DGKH: variants seen among roughly 807,000 people sequenced by gnomAD.
DGKH encodes the protein diacylglycerol kinase eta, also known as DAG kinase eta.
DGKH carries 90 observed loss-of-function variants against 159.3 expected under a neutral mutation model. That is an observed-to-expected ratio of 0.57 (90% confidence interval 0.48 to 0.67). DGKH has a LOEUF of 0.67. DGKH is among the 30% of genes least tolerant of loss of function. DGKH has a pLI of 0.00. For missense variants in DGKH, 1,181 were observed against 1,506.1 expected, an observed-to-expected ratio of 0.78 and a Z score of 3.57; for synonymous variants, 536 against 553.8, an observed-to-expected ratio of 0.97 and a Z score of 0.45.
intron 29 of DGKH, among the ~76,000 whole-genome samples, chr13:42,223,187 C>A (rs1958029253): frequency 6.6e-6 from 1 of 152,206 alleles, no homozygotes; most frequent in Admixed American, 6.5e-5. Context: ...AGAAGAGCTC[C>A]CATTGTTCTC....
At chr13:42,097,680 A>T (rs969936568) in intron 1 of DGKH, among the ~76,000 whole-genome samples, 24 of 152,208 alleles carry the variant, frequency 1.6e-4, no homozygotes, top group African/African-American at 5.1e-4. Flanking sequence ...TGGGTCTTCT[A>T]TTCCAGACAT....
At chr13:42,103,530 T>A (rs963342604) in intron 1 of DGKH, among the ~76,000 whole-genome samples, 3 of 152,174 alleles carry the variant, frequency 2.0e-5, no homozygotes, top group Non-Finnish European at 4.4e-5. Context: ...ATGAGTGCTA[T>A]CCTTAGCAAA....
intron 1 of DGKH, among the ~76,000 whole-genome samples, chr13:42,119,134 C>A (rs931377725): frequency 6.6e-6 from 1 of 152,164 alleles, no homozygotes; most frequent in Non-Finnish European, 1.5e-5. Context: ...CCAGATGCTA[C>A]GGTGATGCAG....
chr13:42,141,406 G>A (rs1955556670), intron 3 of DGKH, among the ~76,000 whole-genome samples: 1 of 152,134 alleles, frequency 6.6e-6, no homozygotes, highest in African/African-American at 2.4e-5. Flanking sequence ...AGTCCTTTGG[G>A]TATATACCCA....
At chr13:42,212,871 C>T (rs949291931) in intron 24 of DGKH, among the ~76,000 whole-genome samples, 3 of 152,132 alleles carry the variant, frequency 2.0e-5, no homozygotes, top group African/African-American at 4.8e-5. Context: ...AGGAGGGCTG[C>T]CTGGAAGAAG....
intron 7 of DGKH, among the ~76,000 whole-genome samples, chr13:42,161,308 C>T (rs564061550): frequency 6.6e-6 from 1 of 152,174 alleles, no homozygotes; most frequent in Non-Finnish European, 1.5e-5. Flanking sequence ...TTACTAAAGT[C>T]GATTTCTCTA....
chr13:42,049,220 CGGT>C (rs1881068374), intron 1 of DGKH, among the ~76,000 whole-genome samples: 2 of 150,252 alleles, frequency 1.3e-5, no homozygotes, highest in Admixed American at 6.6e-5. Context: ...CGCTGGACCG[CGGT>C]GCTGCGGGAC....
Position 42,219,812 on chromosome 13 carries a change from A to G in DGKH, c.3442+18A>G, listed in dbSNP as rs774921032. The G allele has an allele frequency of 1.9e-6, 3 of 1,600,416 alleles. No individual in the cohort carries two copies. The South Asian group carries it at 3.3e-5, about 18-fold the overall frequency. On this transcript the variant is annotated intron_variant, in intron 28 of 29. Transcript: ENST00000337343. ...ACAGCCTGGTAGGTGGTCCATATGGAAGGGGAAATATAACATTATGAAAAA... is the reference window on the plus strand; with the variant it reads ...ACAGCCTGGTAGGTGGTCCATATGGGAGGGGAAATATAACATTATGAAAAA...
intron 1 of DGKH, among the ~76,000 whole-genome samples, chr13:42,060,134 G>A (rs1882043264): frequency 6.7e-6 from 1 of 148,686 alleles, no homozygotes; most frequent in African/African-American, 2.4e-5. Flanking sequence ...TCGAACTCCT[G>A]ACCTCAGGTG....
intron 3 of DGKH, among the ~76,000 whole-genome samples, chr13:42,145,046 G>A (rs565971153): frequency 7.9e-5 from 12 of 152,158 alleles, no homozygotes; most frequent in Non-Finnish European, 1.5e-4. Flanking sequence ...GAGAGGATTA[G>A]CAATTTTGAT....
chr13:42,198,390 A>G, intron 17 of DGKH, 88 bp from the exon 18 acceptor site: 1 of 1,123,414 alleles, frequency 8.9e-7, no homozygotes, highest in Non-Finnish European at 1.3e-6. Flanking sequence ...TTTAAAAGTA[A>G]GATATTTGAT....
At chr13:42,115,454 TATAAATA>T (rs990227762) in intron 1 of DGKH, among the ~76,000 whole-genome samples, 4 of 152,146 alleles carry the variant, frequency 2.6e-5, no homozygotes, top group Non-Finnish European at 5.9e-5. Flanking sequence ...TGATTAATGC[TATAAATA>T]ATGCATGAGC....
chr13:42,103,570 C>T (rs1291503517), intron 1 of DGKH, among the ~76,000 whole-genome samples: 1 of 152,176 alleles, frequency 6.6e-6, no homozygotes, highest in African/African-American at 2.4e-5. Context: ...GTGTCACATC[C>T]AGGCAGCAGA....
intron 1 of DGKH, among the ~76,000 whole-genome samples, chr13:42,106,480 C>T (rs1229596668): frequency 6.6e-6 from 1 of 152,108 alleles, no homozygotes; most frequent in Non-Finnish European, 1.5e-5. Context: ...TGTGATATGG[C>T]CTCACATCCA....
chr13:42,087,525 A>G (rs1034506375), intron 1 of DGKH, among the ~76,000 whole-genome samples: 2 of 152,182 alleles, frequency 1.3e-5, no homozygotes, highest in Non-Finnish European at 2.9e-5. Context: ...AACAACTACT[A>G]TTAGTATACT....
At chr13:42,060,254 T>C (rs1322109038) in intron 1 of DGKH, among the ~76,000 whole-genome samples, 2 of 152,224 alleles carry the variant, frequency 1.3e-5, no homozygotes, top group Non-Finnish European at 2.9e-5. Context: ...TTAGCCTCTA[T>C]CCCTGATTCC....
intron 26 of DGKH, among the ~76,000 whole-genome samples, chr13:42,217,443 A>C (rs2209515): frequency 6.6e-6 from 1 of 151,360 alleles, no homozygotes; most frequent in Non-Finnish European, 1.5e-5. Flanking sequence ...GAATTTCACT[A>C]TGTTGGCCAG....
At chr13:42,092,852 G>A (rs143879839) in intron 1 of DGKH, among the ~76,000 whole-genome samples, 21 of 152,252 alleles carry the variant, frequency 1.4e-4, no homozygotes, top group East Asian at 5.8e-4. Flanking sequence ...AAAACAGCAT[G>A]TGTACACCCA....
At chr13:42,060,157 C>T (rs1244952599) in intron 1 of DGKH, among the ~76,000 whole-genome samples, 2 of 119,706 alleles carry the variant, frequency 1.7e-5, no homozygotes, top group African/African-American at 2.5e-5. Context: ...CCACCGGCCT[C>T]GGCCTCCCAA....
Sources: gnomAD v4.1 joint callset for allele counts (sites outside exome capture counted in the v4.1 genomes callset) on GRCh38, gnomAD v4.1.1 for gene constraint, MANE v1.5 for transcripts, NCBI Gene and HGNC (gene_info 2026-07-23, HGNC 2026-07-21) for gene names.